Variants in RARB observed in about 807,000 individuals in gnomAD.
RARB encodes the protein retinoic acid receptor beta.
RARB carries 17 observed loss-of-function variants against 51.9 expected under a neutral mutation model. The ratio of observed to expected loss-of-function variants is 0.33; its 90% CI spans 0.22 to 0.49. RARB has a LOEUF of 0.49. RARB is among the 20% of genes least tolerant of loss of function. The pLI is 0.99. For missense variants in RARB, 369 were observed against 550.8 expected (o/e 0.67, Z 3.30); for synonymous variants, 215 against 195.4 (o/e 1.10, Z -0.84).
At chr3:25,140,433 T>C (rs1039695393) in intron 4 of RARB, among the ~76,000 whole-genome samples, 1 of 152,080 alleles carries the variant, frequency 6.6e-6, no homozygotes, top group Non-Finnish European at 1.5e-5. Flanking sequence ...GTGGTGAAAA[T>C]AGCAAGAGAG....
intron 3 of RARB, among the ~76,000 whole-genome samples, chr3:25,098,502 A>G (rs1359272146): frequency 1.3e-5 from 2 of 152,240 alleles, no homozygotes; most frequent in Non-Finnish European, 2.9e-5. Flanking sequence ...AAGTCCACCT[A>G]TATAAGGCTT....
chr3:25,117,561 G>T (rs1222570934), intron 3 of RARB, among the ~76,000 whole-genome samples: 1 of 152,148 alleles, frequency 6.6e-6, no homozygotes, highest in African/African-American at 2.4e-5. Flanking sequence ...GACAATCAGA[G>T]AATAGGATGG....
intron 4 of RARB, among the ~76,000 whole-genome samples, chr3:25,575,068 G>A (rs1337160492): frequency 6.6e-6 from 1 of 152,164 alleles, no homozygotes; most frequent in Non-Finnish European, 1.5e-5. Context: ...TGGCACCAGG[G>A]ACCAGTTTCA....
intron 2 of RARB, among the ~76,000 whole-genome samples, chr3:24,954,589 G>A (rs980476438): frequency 4.6e-4 from 70 of 152,208 alleles, no homozygotes; most frequent in African/African-American, 1.6e-3. Context: ...CTAGAACCTG[G>A]GGATATTGAC....
chr3:25,133,139 C>T (rs73049951), intron 4 of RARB, among the ~76,000 whole-genome samples: 4 of 151,830 alleles, frequency 2.6e-5, no homozygotes, highest in African/African-American at 9.7e-5. Context: ...ATCACGTCAT[C>T]CTTAACCATA....
At chr3:25,278,447 T>C (rs73820404) in intron 5 of RARB, among the ~76,000 whole-genome samples, 7,231 of 152,264 alleles carry the variant, frequency 0.047, 590 homozygotes, top group African/African-American at 0.16. Flanking sequence ...CAAATCCTTA[T>C]AGAACATGTG....
At chr3:25,399,933 C>G (rs1209266678) in intron 5 of RARB, among the ~76,000 whole-genome samples, 1 of 152,152 alleles carries the variant, frequency 6.6e-6, no homozygotes, top group Non-Finnish European at 1.5e-5. Context: ...GTTTTTATAA[C>G]TTTGTCACTC....
intron 5 of RARB, among the ~76,000 whole-genome samples, chr3:25,413,616 A>G (rs1553612425): frequency 6.6e-6 from 1 of 151,252 alleles, no homozygotes. Flanking sequence ...GAAAATTTAG[A>G]TTTCTCCACA....
intron 5 of RARB, among the ~76,000 whole-genome samples, chr3:25,232,238 C>T (rs1360988997): frequency 6.6e-6 from 1 of 152,052 alleles, no homozygotes; most frequent in Non-Finnish European, 1.5e-5. Flanking sequence ...ATTGTTATAG[C>T]TTATGAGTCT....
At chr3:25,277,023 TA>T (rs1481903450) in intron 5 of RARB, among the ~76,000 whole-genome samples, 1 of 152,056 alleles carries the variant, frequency 6.6e-6, no homozygotes, top group Non-Finnish European at 1.5e-5. Context: ...CTTGGATGAT[TA>T]AAAGAAATAG....
intron 5 of RARB, among the ~76,000 whole-genome samples, chr3:25,590,266 A>T (rs192666019): frequency 6.6e-6 from 1 of 152,230 alleles, no homozygotes; most frequent in Non-Finnish European, 1.5e-5. Context: ...ATAGTTAGAA[A>T]CATTTGAGGG....
intron 2 of RARB, among the ~76,000 whole-genome samples, chr3:24,949,441 A>G (rs564781816): frequency 6.6e-6 from 1 of 152,196 alleles, no homozygotes; most frequent in Non-Finnish European, 1.5e-5. Flanking sequence ...ATCAAATAGG[A>G]GGAAAGGGAA....
At chr3:25,097,906 A>G (rs1285918532) in intron 3 of RARB, among the ~76,000 whole-genome samples, 1 of 152,122 alleles carries the variant, frequency 6.6e-6, no homozygotes, top group African/African-American at 2.4e-5. Flanking sequence ...TCAGTATTGT[A>G]TTGGGTTAGA....
intron 5 of RARB, among the ~76,000 whole-genome samples, chr3:25,199,641 T>C (rs1206608715): frequency 6.6e-6 from 1 of 152,126 alleles, no homozygotes; most frequent in African/African-American, 2.4e-5. Context: ...TTCCCCTTCC[T>C]GTGTCCATGT....
chr3:25,577,402 A>C (rs1289567247), intron 4 of RARB, among the ~76,000 whole-genome samples: 4 of 152,196 alleles, frequency 2.6e-5, no homozygotes, highest in Non-Finnish European at 5.9e-5. Flanking sequence ...AAAAACATAC[A>C]AAATGCAGGA....
At chr3:25,196,073 A>G (rs906337199) in intron 5 of RARB, among the ~76,000 whole-genome samples, 2 of 151,662 alleles carry the variant, frequency 1.3e-5, no homozygotes, top group Non-Finnish European at 1.5e-5. Context: ...CAGCTCTAAA[A>G]TTTTTTTACT....
chr3:25,119,072 C>T (rs1278041425), intron 3 of RARB, among the ~76,000 whole-genome samples: 1 of 152,030 alleles, frequency 6.6e-6, no homozygotes, highest in African/African-American at 2.4e-5. Flanking sequence ...ATGTTTAAGC[C>T]TAGGAACAGT....
intron 2 of RARB, among the ~76,000 whole-genome samples, chr3:24,941,818 T>C (rs1695673359): frequency 6.6e-6 from 1 of 152,216 alleles, no homozygotes; most frequent in Non-Finnish European, 1.5e-5. Context: ...AAGCTAAGGA[T>C]ACCAATATCT....
At chr3:25,063,817 G>A (rs1002321828) in intron 3 of RARB, among the ~76,000 whole-genome samples, 2 of 151,648 alleles carry the variant, frequency 1.3e-5, no homozygotes, top group South Asian at 2.1e-4. Flanking sequence ...GATAAGAAAA[G>A]CACTGGTAGC....
Sources: gnomAD v4.1 joint callset for allele counts (sites outside exome capture counted in the v4.1 genomes callset) on GRCh38, gnomAD v4.1.1 for gene constraint, MANE v1.5 for transcripts, NCBI Gene and HGNC (gene_info 2026-07-23, HGNC 2026-07-21) for gene names.